DDHD2: variants seen among roughly 807,000 people sequenced by gnomAD.
The protein encoded by DDHD2 is triacylglycerol hydrolase DDHD2.
A neutral mutation model predicts 91.2 loss-of-function variants in DDHD2; 62 were observed. The ratio of observed to expected loss-of-function variants is 0.68; its 90% confidence interval spans 0.55 to 0.84. The LOEUF (loss-of-function observed/expected upper bound fraction) is 0.84, where lower values mean the gene tolerates loss of function less well. Ranked by LOEUF, DDHD2 falls within the 40% of genes least tolerant of loss-of-function variation. The pLI, the probability that DDHD2 is intolerant of heterozygous loss-of-function variation, is 0.00. For missense variants in DDHD2, 740 were observed against 846.9 expected (o/e 0.87, Z 1.57); for synonymous variants, 271 against 293.9 (o/e 0.92, Z 0.80).
At position 38,245,851 on chromosome 8, in the gene DDHD2, G is replaced by A. The variant is rs1805594868; in HGVS notation, c.958G>A (p.Val320Met). The A allele has an allele frequency of 1.2e-6, 2 of 1,614,140 alleles. No individual in the cohort carries two copies. Among genetic ancestry groups the A allele is most frequent in the Non-Finnish European group, 1.7e-6 (2 of 1,180,024 alleles). The change falls in exon 8 of 18, where the codon GTG becomes ATG. Residue 320 changes from valine to methionine, a missense_variant. Physicochemically the swap from Val to Met is conservative, Grantham distance 21. Transcript: ENST00000397166. ...TAGTCCCACCTACTGTCAGACTATT[G>A]TGGACACAGTTGCTTCTGAAATGAA... is the stretch of plus-strand genomic sequence containing the variant. ...YNSPTYCQTIVDTVASEMNRI... is the reference protein window; with the variant it reads ...YNSPTYCQTIMDTVASEMNRI...
downstream of DDHD2, chr8:38,271,431 G>A (rs1226202147): frequency 1.3e-5 from 2 of 151,938 alleles, no homozygotes; most frequent in Non-Finnish European, 2.9e-5. Flanking sequence ...GAGAAAGGGG[G>A]TTCCCTTTCT....
chr8:38,271,398 T>C (rs992266597), downstream of DDHD2: 3 of 151,204 alleles, frequency 2.0e-5, no homozygotes, highest in East Asian at 5.8e-4. Context: ...GTAAACATTA[T>C]CCCCCCCCTT....
Position 38,251,843 on chromosome 8 carries a change from G to A in DDHD2, c.1345-69G>A, listed in dbSNP as rs1303358403. 4.5e-6 allele frequency: 5 copies of A among 1,123,234 alleles called. No individual in the cohort carries two copies. In the Admixed American group the frequency reaches 7.1e-5, roughly 16 times the overall value. The allele number at this position is 1,123,234 out of a possible 1,614,324, so 69.6% of individuals were successfully genotyped here. A position where few individuals can be genotyped will look rare whatever the true frequency, so the allele number is the denominator to read the frequency against. On this transcript the variant is annotated intron_variant, in intron 11 of 17. Transcript: ENST00000397166. Reference sequence around the variant, plus strand: ...ACCTACCTACCTACCTCAGGGTCCTGAGTAGCTGGGACTACAGGTGCATGC... The same window carrying A: ...ACCTACCTACCTACCTCAGGGTCCTAAGTAGCTGGGACTACAGGTGCATGC...
downstream of DDHD2, chr8:38,267,188 T>TC (rs763099142): frequency 1.2e-6 from 2 of 1,611,530 alleles, no homozygotes; most frequent in Non-Finnish European, 1.7e-6. Context: ...AGTCAGATTT[T>TC]CCCATCCCTA....
Position 38,262,724 on chromosome 8 carries a change from A to C in DDHD2, c.*2151A>C, listed in dbSNP as rs769078119. The C allele has an allele frequency of 6.6e-6, 1 of 152,186 alleles. No homozygotes were observed. Among genetic ancestry groups the C allele is most frequent in the Non-Finnish European group, 1.5e-5 (1 of 68,028 alleles). The allele number at this position is 152,186 out of a possible 1,614,324, so 9.4% of individuals were successfully genotyped here. A position where few individuals can be genotyped will look rare whatever the true frequency, so the allele number is the denominator to read the frequency against. On this transcript the variant is annotated 3_prime_UTR_variant, in exon 18 of 18. Transcript: ENST00000397166. The stretch of plus-strand genomic sequence containing the variant: ...TGCATTTTTGAAATGTTTGTTTTCT[A>C]CGTGATTATATTTAAAACTTTAGTA...
rs1027997151 is a variant in DDHD2, at chr8:38,242,116, C to G, written c.713-134C>G. 5 of 690,150 alleles carry G rather than the reference C, an allele frequency of 7.2e-6. No individual in the cohort carries two copies. In the South Asian group the frequency reaches 1.2e-4, roughly 16 times the overall value. The allele number at this position is 690,150 out of a possible 1,614,324, so 42.8% of individuals were successfully genotyped here. A position where few individuals can be genotyped will look rare whatever the true frequency, so the allele number is the denominator to read the frequency against. On this transcript the variant is annotated intron_variant, in intron 6 of 17. Transcript: ENST00000397166. ...ATGCATTCATAATTTTTCCTGAATACCACTTTATTTTTGACGGAAGTCAGT... is the reference window on the plus strand; with the variant it reads ...ATGCATTCATAATTTTTCCTGAATAGCACTTTATTTTTGACGGAAGTCAGT...
Position 38,242,403 on chromosome 8 carries a change from C to T in DDHD2, c.848+18C>T, listed in dbSNP as rs1805326638. On this transcript the variant is annotated intron_variant, in intron 7 of 17. Coordinates refer to ENST00000397166, the MANE Select transcript of DDHD2 (RefSeq NM_015214.3). ...GTGGATGTGTGAGTAATACTTAATACCTTCGAGTTGTTAGCTGTGATTATA... is the reference window on the plus strand; with the variant it reads ...GTGGATGTGTGAGTAATACTTAATATCTTCGAGTTGTTAGCTGTGATTATA... 3.7e-6 allele frequency: 6 copies of T among 1,605,358 alleles called. No homozygotes were observed. The highest frequency in any genetic ancestry group is 4.2e-6 in the Non-Finnish European group (5 of 1,177,580).
downstream of DDHD2, chr8:38,267,351 G>A: frequency 6.2e-7 from 1 of 1,613,998 alleles, no homozygotes; most frequent in Non-Finnish European, 8.5e-7. Flanking sequence ...GAATGGGCTA[G>A]CCCATCAGGG....
rs1258702075 is a variant in DDHD2 at position 38,253,026 on chromosome 8, C to T, written c.1790C>T (p.Ala597Val). 6.2e-7 allele frequency: 1 copy of T among 1,614,126 alleles called. No homozygotes were observed. The highest frequency in any genetic ancestry group is 8.5e-7 in the Non-Finnish European group (1 of 1,180,022). The change falls in exon 15 of 18, where the codon GCC becomes GTC. Residue 597 changes from alanine (A) to valine (V), a missense_variant. By Grantham distance (64) the Ala-to-Val change is moderately conservative. Around this residue, in one of 2 missense-constraint regions of DDHD2, gnomAD observed 693 missense variants for 764.2 expected, o/e 0.91. Coordinates refer to ENST00000397166, the MANE Select transcript of DDHD2 (RefSeq NM_015214.3). ...AACTTGCTAGGTTCGCTGCGGATGG[C>T]CTGGAAGTCTTTTACCAGAGCTCCA... ...KNNLLGSLRM[A>V]WKSFTRAPYP...
At chr8:38,253,446 A>C in intron 15 of DDHD2, 110 bp from the exon 16 acceptor site, 1 of 952,542 alleles carries the variant, frequency 1.0e-6, no homozygotes, top group Non-Finnish European at 1.6e-6. Context: ...GAGCTCTCTG[A>C]ACAGAGAGTA....
chr8:38,268,365 G>A, intron 1 of DDHD2: 1 of 1,561,924 alleles, frequency 6.4e-7, no homozygotes, highest in Non-Finnish European at 8.7e-7. Context: ...AAGGGCTAGC[G>A]CTCACCCAGG....
intron 16 of DDHD2, 54 bp from the exon 17 acceptor site, chr8:38,259,986 A>G (rs1806855599): frequency 8.7e-6 from 10 of 1,150,062 alleles, no homozygotes; most frequent in Non-Finnish European, 1.2e-5. Context: ...TATATGTAAA[A>G]CATTTGGCAC....
chr8:38,263,762 G>C, downstream of DDHD2: 1 of 985,414 alleles, frequency 1.0e-6, no homozygotes, highest in South Asian at 4.7e-5. Context: ...TGGAAATTAA[G>C]TTTTGATAAT....
At position 38,257,238 on chromosome 8, in the gene DDHD2, GTTTTTTTTTTTTT is replaced by G. The variant is rs749469533; in HGVS notation, c.2055-2786_2055-2774del. On this transcript the variant is annotated intron_variant, in intron 16 of 17. Transcript: ENST00000397166. ...GTAAGCCACCATATCTGGCCAACAA[GTTTTTTTTTTTTT>G]TTTTTTTTTTTTTTTGAGAAGGAGT... 2.1e-3 allele frequency among the ~76,000 whole-genome samples: 134 copies of G among 63,834 alleles called. 1 individual carries two copies. The highest frequency in any genetic ancestry group is 6.2e-3 in the African/African-American group (119 of 19,324). The allele number at this position is 63,834 out of a possible 152,430, so 41.9% of individuals were successfully genotyped here. A position where few individuals can be genotyped will look rare whatever the true frequency, so the allele number is the denominator to read the frequency against.
In DDHD2 at chr8:38,245,908, C is replaced by A. The variant is rs771892795; in HGVS notation, c.1015C>A (p.Pro339Thr). ...RIYTLFLQRNPDFKGGVSIAG... is the reference protein window; with the variant it reads ...RIYTLFLQRNTDFKGGVSIAG... ...ATACACACTTTTTCTACAGAGGAAC[C>A]CTGATTTCAAAGGGGGTGTATCCAT... The change falls in exon 8 of 18, where the codon CCT becomes ACT. Residue 339 changes from proline to threonine, a missense_variant. Around this residue, in one of 2 missense-constraint regions of DDHD2, gnomAD observed 693 missense variants for 764.2 expected, o/e 0.91. Coordinates refer to ENST00000397166, the MANE Select transcript of DDHD2 (RefSeq NM_015214.3). The A allele has an allele frequency of 1.2e-6, 2 of 1,613,822 alleles. No homozygotes were observed. The highest frequency in any genetic ancestry group is 3.3e-5 in the Admixed American group (2 of 59,986).
downstream of DDHD2, chr8:38,263,763 T>G: frequency 1.0e-6 from 1 of 985,404 alleles, no homozygotes. Context: ...GGAAATTAAG[T>G]TTTGATAATG....
chr8:38,234,935 T>A (rs1277261412), intron 3 of DDHD2, among the ~76,000 whole-genome samples: 1 of 151,778 alleles, frequency 6.6e-6, no homozygotes, highest in Non-Finnish European at 1.5e-5. Flanking sequence ...ACCTGGCTAA[T>A]TTTTTTTAAG....
Position 38,235,909 on chromosome 8 carries a change from A to G in DDHD2, c.411+1325A>G, listed in dbSNP as rs527610482. ...CACACACACACACACACAAATACAA[A>G]TGCAAACTGTATTATGCTATGGTCA... On this transcript the variant is annotated intron_variant, in intron 3 of 17. Coordinates refer to ENST00000397166, the MANE Select transcript of DDHD2 (RefSeq NM_015214.3). 3.3e-3 allele frequency among the ~76,000 whole-genome samples: 496 copies of G among 152,018 alleles called. 2 individuals carry two copies. The highest frequency in any genetic ancestry group is 4.8e-3 in the Non-Finnish European group (328 of 67,972).
chr8:38,267,744 G>C (rs1308455033), downstream of DDHD2: 1 of 798,390 alleles, frequency 1.3e-6, no homozygotes, highest in Non-Finnish European at 2.0e-6. Context: ...TGAGGTATGG[G>C]GAAGGGAGTA....
Sources: gnomAD v4.1 joint callset for allele counts (sites outside exome capture counted in the v4.1 genomes callset) on GRCh38, gnomAD v4.1.1 for gene constraint, gnomAD v4.1.1 regional missense constraint, MANE v1.5 for transcripts, NCBI Gene and HGNC (gene_info 2026-07-23, HGNC 2026-07-21) for gene names.